CNTNAP2: variants seen among roughly 807,000 people sequenced by gnomAD.
CNTNAP2 encodes the protein contactin-associated protein-like 2.
Under a neutral mutation model 155.2 loss-of-function variants are expected in CNTNAP2, and 98 were observed. That is an observed-to-expected ratio of 0.63 (90% CI 0.54 to 0.75). CNTNAP2 has a LOEUF of 0.75. Ranked by LOEUF, CNTNAP2 falls within the 30% of genes least tolerant of loss-of-function variation. The probability of loss-of-function intolerance (pLI) is 0.00; values close to 1 mark genes in which losing one functional copy is unlikely to be tolerated. For synonymous variants in CNTNAP2, 651 were observed against 631.2 expected, an observed-to-expected ratio of 1.03 and a Z score of -0.47; for missense variants, 1,727 against 1,688.1, an observed-to-expected ratio of 1.02 and a Z score of -0.40.
chr7:147,130,468 TA>T (rs1284146770), intron 7 of CNTNAP2, among the ~76,000 whole-genome samples: 1 of 151,786 alleles, frequency 6.6e-6, no homozygotes, highest in African/African-American at 2.4e-5. Flanking sequence ...AATAAAAGAA[TA>T]AAAAAAGATT....
At chr7:147,750,470 T>C (rs147629576) in intron 13 of CNTNAP2, among the ~76,000 whole-genome samples, 430 of 152,316 alleles carry the variant, frequency 2.8e-3, no homozygotes, top group Middle Eastern at 6.8e-3. Context: ...TCTATAAGTA[T>C]TTATTATCTG....
At chr7:147,226,451 T>C (rs1476660721) in intron 8 of CNTNAP2, among the ~76,000 whole-genome samples, 2 of 151,976 alleles carry the variant, frequency 1.3e-5, no homozygotes, top group East Asian at 3.9e-4. Flanking sequence ...TGCCATGGCT[T>C]GGAAATATCA....
At chr7:148,071,403 C>A (rs548511300) in intron 15 of CNTNAP2, among the ~76,000 whole-genome samples, 7 of 152,234 alleles carry the variant, frequency 4.6e-5, no homozygotes, top group African/African-American at 1.7e-4. Context: ...TTGCTTGAAC[C>A]AGGAGGTGGA....
intron 8 of CNTNAP2, chr7:147,167,497 AC>A: frequency 1.1e-6 from 1 of 907,178 alleles, no homozygotes; most frequent in South Asian, 1.5e-5. Context: ...GTTGCCATGG[AC>A]CCAGCTTTGA....
chr7:146,129,975 T>C (rs915281000), intron 1 of CNTNAP2, among the ~76,000 whole-genome samples: 5 of 152,136 alleles, frequency 3.3e-5, no homozygotes, highest in Non-Finnish European at 7.4e-5. Flanking sequence ...GAAAAGACTG[T>C]TCCAAGAAAA....
At chr7:147,457,234 A>C (rs910497595) in intron 10 of CNTNAP2, among the ~76,000 whole-genome samples, 1 of 152,208 alleles carries the variant, frequency 6.6e-6, no homozygotes. Flanking sequence ...TGGAAGTTGT[A>C]AAGGAGTTCT....
intron 5 of CNTNAP2, among the ~76,000 whole-genome samples, chr7:147,114,039 A>G (rs532940157): frequency 3.3e-5 from 5 of 152,146 alleles, no homozygotes; most frequent in Admixed American, 6.5e-5. Flanking sequence ...GTTTCAAAGA[A>G]ATTCTTGATT....
chr7:146,695,766 G>T (rs1800772120), intron 1 of CNTNAP2, among the ~76,000 whole-genome samples: 1 of 152,176 alleles, frequency 6.6e-6, no homozygotes, highest in South Asian at 2.1e-4. Flanking sequence ...TATTTAGCAT[G>T]TACAACATGA....
chr7:146,418,136 G>GATGTGAC (rs1485894009), intron 1 of CNTNAP2, among the ~76,000 whole-genome samples: 1 of 152,198 alleles, frequency 6.6e-6, no homozygotes, highest in Non-Finnish European at 1.5e-5. Context: ...AGAAGAAGAA[G>GATGTGAC]ATGTGACTTA....
chr7:147,632,280 C>T (rs1411717812), intron 12 of CNTNAP2, among the ~76,000 whole-genome samples: 2 of 152,016 alleles, frequency 1.3e-5, no homozygotes, highest in Non-Finnish European at 2.9e-5. Context: ...AATGAGATAC[C>T]ACCTGATATG....
intron 13 of CNTNAP2, among the ~76,000 whole-genome samples, chr7:147,749,997 T>G (rs565483018): frequency 6.6e-6 from 1 of 152,330 alleles, no homozygotes; most frequent in African/African-American, 2.4e-5. Flanking sequence ...GTTATTTCAT[T>G]ACCCATCTCT....
chr7:147,926,320 T>C (rs1800397447), intron 14 of CNTNAP2, among the ~76,000 whole-genome samples: 2 of 152,126 alleles, frequency 1.3e-5, no homozygotes, highest in Admixed American at 1.3e-4. Flanking sequence ...TAAAACCAGA[T>C]TTCAGAGATT....
At chr7:146,585,304 T>G (rs1375822269) in intron 1 of CNTNAP2, among the ~76,000 whole-genome samples, 1 of 151,952 alleles carries the variant, frequency 6.6e-6, no homozygotes, top group Non-Finnish European at 1.5e-5. Context: ...GTATTTTTAG[T>G]AGAGACCAGG....
rs1798414966 is a variant in CNTNAP2, at chr7:146,569,862, A to G, written c.98-204409A>G. ...CCCTACCTGACAAGACAGTGTCAAGATTTGTTAATGAGATGGCCTCACAAG... is the reference window on the plus strand; with the variant it reads ...CCCTACCTGACAAGACAGTGTCAAGGTTTGTTAATGAGATGGCCTCACAAG... On this transcript the variant is annotated intron_variant, in intron 1 of 23. Coordinates refer to ENST00000361727, the MANE Select transcript of CNTNAP2 (RefSeq NM_014141.6). 2.0e-5 allele frequency among the ~76,000 whole-genome samples: 3 copies of G among 152,300 alleles called. No individual in the cohort carries two copies. The South Asian group carries it at 6.2e-4, about 32-fold the overall frequency.
chr7:146,545,423 C>T lies in CNTNAP2; in HGVS notation c.98-228848C>T, dbSNP rs1005787008. Among the ~76,000 whole-genome samples, 11 of 151,694 alleles carry T rather than the reference C, an allele frequency of 7.3e-5. 1 individual carries two copies. In the Middle Eastern group the frequency reaches 0.01, roughly 141 times the overall value. ...TTGTTACATAGGTATACACTTGTCA[C>T]GGTGGTTGGCTGCACCCATCAACCC... On this transcript the variant is annotated intron_variant, in intron 1 of 23. Coordinates refer to ENST00000361727, the MANE Select transcript of CNTNAP2 (RefSeq NM_014141.6).
intron 13 of CNTNAP2, among the ~76,000 whole-genome samples, chr7:147,796,960 C>T (rs1210028620): frequency 2.6e-5 from 4 of 152,130 alleles, no homozygotes. Flanking sequence ...GAATGTTCTA[C>T]TTACTTAATG....
intron 8 of CNTNAP2, among the ~76,000 whole-genome samples, chr7:147,227,914 A>G (rs1354331639): frequency 6.6e-6 from 1 of 152,172 alleles, no homozygotes; most frequent in East Asian, 1.9e-4. Context: ...GAGTGTAGAA[A>G]GAAAAGGTGG....
At chr7:146,631,004 ATG>A (rs1441328113) in intron 1 of CNTNAP2, among the ~76,000 whole-genome samples, 9 of 152,092 alleles carry the variant, frequency 5.9e-5, no homozygotes, top group Admixed American at 2.6e-4. Flanking sequence ...TACAGGTTCA[ATG>A]TTATTCCCAT....
At chr7:147,673,380 A>G (rs1351899017) in intron 13 of CNTNAP2, among the ~76,000 whole-genome samples, 2 of 152,202 alleles carry the variant, frequency 1.3e-5, no homozygotes, top group Non-Finnish European at 2.9e-5. Flanking sequence ...TCATCCTTGC[A>G]ACATCCTTAT....
Sources: allele counts gnomAD v4.1 joint callset (sites outside exome capture counted in the v4.1 genomes callset), GRCh38; gene constraint gnomAD v4.1.1; transcripts MANE v1.5; gene names NCBI Gene and HGNC (gene_info 2026-07-23, HGNC 2026-07-21).